PSMC6: variants seen among roughly 807,000 people sequenced by gnomAD.
The protein encoded by PSMC6 is proteasome 26S subunit, ATPase 6.
In PSMC6, 3 loss-of-function variants were observed where a neutral mutation model predicts 55.9. That is an observed-to-expected ratio of 0.05 (90% CI 0.02 to 0.14). The LOEUF (loss-of-function observed/expected upper bound fraction) is 0.14, where lower values mean the gene tolerates loss of function less well. Ranked by LOEUF, PSMC6 falls within the 10% of genes least tolerant of loss-of-function variation. The pLI is 1.00. For synonymous variants in PSMC6, 137 were observed against 155.9 expected, an observed-to-expected ratio of 0.88 and a Z score of 0.90; for missense variants, 210 against 478.7, an observed-to-expected ratio of 0.44 and a Z score of 5.24.
At chr14:52,714,480 G>A (rs2041808548) in intron 7 of PSMC6, among the ~76,000 whole-genome samples, 1 of 152,226 alleles carries the variant, frequency 6.6e-6, no homozygotes, top group Non-Finnish European at 1.5e-5. Flanking sequence ...AACAGGCCAT[G>A]TGATTCTAGT....
At chr14:52,708,077 C>G (rs941099324) in intron 1 of PSMC6, among the ~76,000 whole-genome samples, 2 of 152,142 alleles carry the variant, frequency 1.3e-5, no homozygotes, top group East Asian at 3.9e-4. Context: ...TGTGCTTAAA[C>G]AAGTATTGCC....
rs544648955 is a variant in PSMC6 at position 52,726,861 on chromosome 14, C to T, written c.1052-638C>T. Among the ~76,000 whole-genome samples the T allele has an allele frequency of 4.6e-5, 7 of 152,084 alleles. No homozygotes were observed. The East Asian group carries it at 1.2e-3, about 25-fold the overall frequency. The stretch of plus-strand genomic sequence containing the variant: ...TTTACCATGTTGGCTAGGCTGGTCT[C>T]GAACTCCCGACCCCAGGTAATCCGT... On this transcript the variant is annotated intron_variant, in intron 13 of 13. Coordinates refer to ENST00000445930, the MANE Select transcript of PSMC6 (RefSeq NM_002806.5).
At chr14:52,720,528 T>G (rs1329827096) in intron 10 of PSMC6, among the ~76,000 whole-genome samples, 1 of 152,106 alleles carries the variant, frequency 6.6e-6, no homozygotes, top group East Asian at 1.9e-4. Context: ...AAAAAATAAT[T>G]GATGAAATTT....
chr14:52,719,686 G>A (rs2041867670), intron 10 of PSMC6, among the ~76,000 whole-genome samples: 1 of 152,150 alleles, frequency 6.6e-6, no homozygotes, highest in Non-Finnish European at 1.5e-5. Context: ...GATCCGCTCA[G>A]AAGATAACAT....
chr14:52,715,122 C>G (rs982501354), intron 7 of PSMC6, among the ~76,000 whole-genome samples: 5 of 109,422 alleles, frequency 4.6e-5, no homozygotes, highest in Admixed American at 1.0e-4. Context: ...CTGCCACATA[C>G]TTGCAGTGTA....
Position 52,718,125 on chromosome 14 carries a change from G to T in PSMC6, c.574G>T (p.Asp192Tyr), listed in dbSNP as rs1278687625. The change falls in exon 8 of 14, where the codon GAC (aspartate) becomes TAC (tyrosine). Residue 192 changes from aspartate (D) to tyrosine (Y), a missense_variant. Physicochemically the swap from Asp to Tyr is radical, Grantham distance 160 (BLOSUM62 -3). Around this residue, in one of 4 missense-constraint regions of PSMC6, gnomAD observed 101 missense variants for 250.4 expected, o/e 0.40. Coordinates refer to ENST00000445930, the MANE Select transcript of PSMC6 (RefSeq NM_002806.5). ...GGCACGAGCCGTTGCTAGCCAGCTGGACTGCAATTTCTTAAAGGTAAAGGG... is the reference window on the plus strand; with the variant it reads ...GGCACGAGCCGTTGCTAGCCAGCTGTACTGCAATTTCTTAAAGGTAAAGGG... The part of the protein sequence containing the change: ...LLARAVASQL[D>Y]CNFLKVVSSS... 13 of 1,613,640 alleles carry T rather than the reference G, an allele frequency of 8.1e-6. No individual in the cohort carries two copies. Among genetic ancestry groups the T allele is most frequent in the Non-Finnish European group, 1.1e-5 (13 of 1,179,874 alleles).
chr14:52,712,533 C>T (rs1439273730), intron 6 of PSMC6, among the ~76,000 whole-genome samples: 1 of 152,110 alleles, frequency 6.6e-6, no homozygotes, highest in African/African-American at 2.4e-5. Flanking sequence ...ATGCAGTATC[C>T]TTTACTGTCT....
At position 52,728,285 on chromosome 14, in the gene PSMC6, A is replaced by G. The variant is rs1243177786; in HGVS notation, c.*668A>G. The G allele has an allele frequency of 6.6e-6, 1 of 152,258 alleles. No individual in the cohort carries two copies. The highest frequency in any genetic ancestry group is 2.4e-5 in the African/African-American group (1 of 41,454). The allele number at this position is 152,258 out of a possible 1,614,324, so 9.4% of individuals were successfully genotyped here. On this transcript the variant is annotated 3_prime_UTR_variant, in exon 14 of 14. Transcript: ENST00000445930. ...CATAACTTTTTAAAGAGTATGATTC[A>G]ACGTAATATTTGCTAATATGTGACT...
chr14:52,713,021 C>G (rs2041791418), intron 6 of PSMC6, among the ~76,000 whole-genome samples: 2 of 152,106 alleles, frequency 1.3e-5, no homozygotes, highest in African/African-American at 4.8e-5. Context: ...CATCTGAGGT[C>G]AGGAGTTCAA....
At chr14:52,715,051 G>A (rs956094926) in intron 7 of PSMC6, among the ~76,000 whole-genome samples, 8 of 151,680 alleles carry the variant, frequency 5.3e-5, no homozygotes, top group African/African-American at 1.9e-4. Context: ...TACTTGCACT[G>A]TAGTGTGAAT....
intron 12 of PSMC6, 21 bp from the exon 13 acceptor site, chr14:52,723,944 T>C (rs1412647219): frequency 2.5e-6 from 4 of 1,609,324 alleles, no homozygotes; most frequent in Non-Finnish European, 2.5e-6. Context: ...AAAACTAATT[T>C]CCAGTATTTT....
Position 52,728,395 on chromosome 14 carries a change from C to T in PSMC6, c.*778C>T, listed in dbSNP as rs1880508870. 1 of 152,194 alleles carries T rather than the reference C, an allele frequency of 6.6e-6. No homozygotes were observed. The highest frequency in any genetic ancestry group is 1.5e-5 in the Non-Finnish European group (1 of 68,040). 9.4% of individuals were successfully genotyped at this position (152,194 alleles called of 1,614,324 possible). A position where few individuals can be genotyped will look rare whatever the true frequency, so the allele number is the denominator to read the frequency against. On this transcript the variant is annotated 3_prime_UTR_variant, in exon 14 of 14. Coordinates refer to ENST00000445930, the MANE Select transcript of PSMC6 (RefSeq NM_002806.5). ...CTCTTCCAGGAAAAATTCTAACATA[C>T]AATTTTGCGTATACTATAATTTCAG...
Position 52,707,294 on chromosome 14 carries a change from T to C in PSMC6, c.75T>C (p.Arg25=). The change falls in exon 1 of 14, where the codon CGT becomes CGC. Residue 25 remains arginine, a synonymous_variant. Coordinates refer to ENST00000445930, the MANE Select transcript of PSMC6 (RefSeq NM_002806.5). ...TTGAACACAAGGAGATCGACGGCCG[T>C]CTTAAGGAGTGTGAGTGCACCTTTC... The part of the protein sequence containing the change: ...KLLEHKEIDG[R]LKELREQLKE... The C allele has an allele frequency of 6.2e-7, 1 of 1,613,980 alleles. No individual in the cohort carries two copies. The highest frequency in any genetic ancestry group is 8.5e-7 in the Non-Finnish European group (1 of 1,180,014).
rs1035665891 is a variant in PSMC6 at position 52,724,108 on chromosome 14, C to A, written c.1051+72C>A. ...TTTGCTGAAACTGTTTTGAGTTTAT[C>A]TGAAAGCGGAGCATAGACTTTGCAA... is the stretch of plus-strand genomic sequence containing the variant. On this transcript the variant is annotated intron_variant, in intron 13 of 13. Coordinates refer to ENST00000445930, the MANE Select transcript of PSMC6 (RefSeq NM_002806.5). 1.9e-5 allele frequency: 27 copies of A among 1,394,848 alleles called. No homozygotes were observed. In the African/African-American group the frequency reaches 2.6e-4, roughly 13 times the overall value. 86.4% of individuals were successfully genotyped at this position (1,394,848 alleles called of 1,614,324 possible).
At chr14:52,716,963 A>G (rs1020028431) in intron 7 of PSMC6, among the ~76,000 whole-genome samples, 1 of 152,226 alleles carries the variant, frequency 6.6e-6, no homozygotes, top group African/African-American at 2.4e-5. Context: ...CAAGAGTAGA[A>G]TGGTGGTTAC....
At chr14:52,709,796 A>G (rs1415164599) in intron 4 of PSMC6, 1 of 222,428 alleles carries the variant, frequency 4.5e-6, no homozygotes, top group Non-Finnish European at 9.2e-6. Flanking sequence ...CCTAATTAAA[A>G]AAAATCAAAA....
intron 8 of PSMC6, 31 bp from the exon 9 acceptor site, chr14:52,718,198 A>T (rs1158316709): frequency 1.2e-6 from 2 of 1,609,128 alleles, no homozygotes; most frequent in Middle Eastern, 1.7e-4. Flanking sequence ...GAATTATCTT[A>T]TATTTACCTT....
chr14:52,708,496 T>C lies in PSMC6; in HGVS notation c.179T>C (p.Val60Ala), dbSNP rs1286744683. ...LQSVGQIVGEVLKQLTEEKFI... is the reference protein window; with the variant it reads ...LQSVGQIVGEALKQLTEEKFI... ...TTTCTTCCTTAGATCGTGGGTGAAG[T>C]GCTTAAACAGTTAACTGAAGAAAAA... is the stretch of plus-strand genomic sequence containing the variant. The change falls in exon 3 of 14, where the codon GTG becomes GCG. Residue 60 changes from valine to alanine, a missense_variant. By Grantham distance (64) the Val-to-Ala change is moderately conservative (BLOSUM62 0). Transcript: ENST00000445930. 1.9e-6 allele frequency: 3 copies of C among 1,614,038 alleles called. No individual in the cohort carries two copies. Among genetic ancestry groups the C allele is most frequent in the Non-Finnish European group, 2.5e-6 (3 of 1,179,958 alleles).
intron 12 of PSMC6, chr14:52,722,443 C>G (rs1880236541): frequency 6.7e-6 from 1 of 149,822 alleles, no homozygotes; most frequent in African/African-American, 2.5e-5. Context: ...AATGTTCTTT[C>G]CTTGAAGAGG....
Sources: allele counts gnomAD v4.1 joint callset (sites outside exome capture counted in the v4.1 genomes callset), GRCh38; gene constraint gnomAD v4.1.1; regional missense constraint gnomAD v4.1.1; transcripts MANE v1.5; gene names NCBI Gene and HGNC (gene_info 2026-07-23, HGNC 2026-07-21).